The following UNC79 variants were observed in gnomAD, a reference collection of about 807,000 sequenced individuals.
UNC79 encodes unc-79 subunit of NALCN channel complex, also known as protein unc-79 homolog.
UNC79 carries 37 observed loss-of-function variants against 283.1 expected under a neutral mutation model. The observed-to-expected ratio is 0.13, with a 90% CI of 0.10 to 0.17. The LOEUF (loss-of-function observed/expected upper bound fraction) is 0.17, where lower values mean the gene tolerates loss of function less well. Ranked by LOEUF, UNC79 falls within the 10% of genes least tolerant of loss-of-function variation. The pLI, the probability that UNC79 is intolerant of heterozygous loss-of-function variation, is 1.00. For missense variants in UNC79, 2,272 were observed against 3,211.1 expected (o/e 0.71, Z 7.07); for synonymous variants, 1,107 against 1,200.2 (o/e 0.92, Z 1.61).
At chr14:93,692,526 T>C (rs1346751348) in intron 46 of UNC79, among the ~76,000 whole-genome samples, 1 of 152,186 alleles carries the variant, frequency 6.6e-6, no homozygotes. Flanking sequence ...AGAAAAACCT[T>C]AGCCAATTGG....
In UNC79 at chr14:93,490,070, G is replaced by A. The variant is rs570655994; in HGVS notation, c.712+2315G>A. Among the ~76,000 whole-genome samples, 7 of 152,312 alleles carry A rather than the reference G, an allele frequency of 4.6e-5. No homozygotes were observed. In the East Asian group the frequency reaches 1.2e-3, roughly 25 times the overall value. On this transcript the variant is annotated intron_variant, in intron 5 of 48. Transcript: ENST00000555664. Reference sequence around the variant, plus strand: ...ACTGAATTTTACAATGTAAGAAGGTGCCTTGTGAGGGGGTGGCATGCCCTG... The same window carrying A: ...ACTGAATTTTACAATGTAAGAAGGTACCTTGTGAGGGGGTGGCATGCCCTG...
chr14:93,393,358 C>T (rs1285616932), intron 1 of UNC79, among the ~76,000 whole-genome samples: 1 of 152,144 alleles, frequency 6.6e-6, no homozygotes, highest in African/African-American at 2.4e-5. Context: ...AAATAAGGCT[C>T]ATTTCAGAAG....
Position 93,622,342 on chromosome 14 carries a change from TAATC to T in UNC79, c.5111_5114del (p.Asn1704SerfsTer37). 1 of 1,614,030 alleles carries T rather than the reference TAATC, an allele frequency of 6.2e-7. No homozygotes were observed. The stretch of plus-strand genomic sequence containing the variant: ...ACTTTTCTTCTAAGGACTCAGGAAA[TAATC>T]AGTCAGCAGGGAACACTGACTCTGC... On this transcript the variant is annotated frameshift_variant, in exon 30 of 49. Coordinates refer to ENST00000555664, the Ensembl canonical transcript of UNC79. LOFTEE classifies it high-confidence loss of function.
At chr14:93,563,792 G>A (rs565503154) in intron 14 of UNC79, among the ~76,000 whole-genome samples, 1 of 152,260 alleles carries the variant, frequency 6.6e-6, no homozygotes, top group East Asian at 1.9e-4. Context: ...AATAATGTGG[G>A]AGCCCGGATT....
At chr14:93,706,933 C>G, downstream of UNC79, 1 of 1,612,428 alleles carries the variant, frequency 6.2e-7, no homozygotes, top group East Asian at 2.2e-5. Flanking sequence ...AGTGTCAACA[C>G]TCTGGTTTAG....
chr14:93,612,821 ACAC>A (rs1171293645), exon 27 of UNC79: 1 of 1,613,858 alleles, frequency 6.2e-7, no homozygotes, highest in Non-Finnish European at 8.5e-7. Flanking sequence ...GAGAATGACA[ACAC>A]CATCAAGGAC....
chr14:93,389,488 A>G (rs1320138596), intron 1 of UNC79, among the ~76,000 whole-genome samples: 1 of 152,150 alleles, frequency 6.6e-6, no homozygotes, highest in Non-Finnish European at 1.5e-5. Context: ...ATTTTCATAT[A>G]ACATTGCAGA....
At chr14:93,492,320 A>C (rs2058766627) in intron 5 of UNC79, among the ~76,000 whole-genome samples, 1 of 150,972 alleles carries the variant, frequency 6.6e-6, no homozygotes, top group African/African-American at 2.4e-5. Flanking sequence ...ATTTTGCGTC[A>C]CTTGGGCCAA....
chr14:93,466,698 T>G (rs547470282), intron 1 of UNC79, among the ~76,000 whole-genome samples: 1 of 152,344 alleles, frequency 6.6e-6, no homozygotes, highest in Admixed American at 6.5e-5. Context: ...CTGCTGACAG[T>G]GAGCCATACC....
chr14:93,571,772 C>A, intron 14 of UNC79, 122 bp from the exon 15 acceptor site: 2 of 983,850 alleles, frequency 2.0e-6, no homozygotes, highest in Non-Finnish European at 2.9e-6. Context: ...GATTCTTGGC[C>A]TAGGACTCAG....
At chr14:93,661,592 T>C (rs2071606309) in intron 39 of UNC79, among the ~76,000 whole-genome samples, 1 of 152,220 alleles carries the variant, frequency 6.6e-6, no homozygotes, top group Non-Finnish European at 1.5e-5. Flanking sequence ...TTCTACCTGA[T>C]ACCTTTATGG....
At chr14:93,493,360 A>AGGCCTGCGTTT (rs1393715601) in intron 5 of UNC79, among the ~76,000 whole-genome samples, 1 of 152,054 alleles carries the variant, frequency 6.6e-6, no homozygotes, top group African/African-American at 2.4e-5. Flanking sequence ...TATGTTAGGG[A>AGGCCTGCGTTT]GGCCTGCGTT....
intron 1 of UNC79, among the ~76,000 whole-genome samples, chr14:93,401,664 C>T (rs1469368843): frequency 6.6e-6 from 1 of 152,198 alleles, no homozygotes; most frequent in South Asian, 2.1e-4. Flanking sequence ...GGGATACCTA[C>T]AGCTTAGAAC....
intron 1 of UNC79, chr14:93,348,446 A>C (rs1566884022): frequency 7.8e-6 from 2 of 256,856 alleles, no homozygotes; most frequent in Non-Finnish European, 1.5e-5. Flanking sequence ...TGACTCAGGG[A>C]GTGACATTGT....
intron 1 of UNC79, among the ~76,000 whole-genome samples, chr14:93,340,717 G>A (rs1048648344): frequency 6.6e-6 from 1 of 151,912 alleles, no homozygotes; most frequent in Non-Finnish European, 1.5e-5. Context: ...GCCTACAGAT[G>A]TGCACCACCA....
chr14:93,607,892 G>T (rs1316098837), intron 26 of UNC79, among the ~76,000 whole-genome samples: 1 of 152,162 alleles, frequency 6.6e-6, no homozygotes, highest in African/African-American at 2.4e-5. Flanking sequence ...GATGGTTTAT[G>T]ATTCACTTCT....
Position 93,682,508 on chromosome 14 carries a change from C to T in UNC79, c.6742-109C>T, listed in dbSNP as rs558297825. 5.4e-6 allele frequency: 5 copies of T among 928,150 alleles called. No individual in the cohort carries two copies. In the East Asian group the frequency reaches 7.9e-5, roughly 15 times the overall value. 57.5% of individuals were successfully genotyped at this position (928,150 alleles called of 1,614,324 possible). ...CAAATCTGATCTATCCAAGGCAGAT[C>T]GTCATGAAAATAAACACTAATTAAT... On this transcript the variant is annotated intron_variant, in intron 41 of 48. Coordinates refer to ENST00000555664, the Ensembl canonical transcript of UNC79.
intron 24 of UNC79, among the ~76,000 whole-genome samples, chr14:93,599,091 T>C (rs2065300947): frequency 6.6e-6 from 1 of 152,200 alleles, no homozygotes; most frequent in Non-Finnish European, 1.5e-5. Context: ...TTGCATCTGA[T>C]TTATTATTTT....
chr14:93,453,268 T>C (rs1406297920), intron 1 of UNC79, among the ~76,000 whole-genome samples: 1 of 152,220 alleles, frequency 6.6e-6, no homozygotes, highest in South Asian at 2.1e-4. Flanking sequence ...CCACATTGAT[T>C]GGATAGGTGG....
Sources: gnomAD v4.1 joint callset for allele counts (sites outside exome capture counted in the v4.1 genomes callset) on GRCh38, gnomAD v4.1.1 for gene constraint, MANE v1.5 for transcripts, NCBI Gene and HGNC (gene_info 2026-07-23, HGNC 2026-07-21) for gene names.